The following ATP11B variants were observed in gnomAD, a reference collection of about 807,000 sequenced individuals.
ATP11B encodes the protein ATPase phospholipid transporting 11B (putative), also known as phospholipid-transporting ATPase IF.
ATP11B carries 81 observed loss-of-function variants against 157.8 expected under a neutral mutation model. That is an observed-to-expected ratio of 0.51 (90% confidence interval 0.43 to 0.62). The LOEUF is 0.62. Among genes scored for constraint, ATP11B ranks in the 20% least tolerant of loss-of-function variants. The pLI is 0.00. For synonymous variants in ATP11B, 451 were observed against 469.4 expected (o/e 0.96, Z 0.51); for missense variants, 1,165 against 1,402.2 (o/e 0.83, Z 2.70).
intron 28 of ATP11B, among the ~76,000 whole-genome samples, chr3:182,910,075 A>G (rs1041848649): frequency 0.12 from 11,250 of 93,372 alleles, 459 homozygotes; most frequent in African/African-American, 0.14. Flanking sequence ...GGCCTCCAGA[A>G]AAAAAAAAAA....
intron 24 of ATP11B, 74 bp from the exon 25 acceptor site, chr3:182,889,331 TTATCA>T (rs879117061): frequency 2.0e-6 from 2 of 1,009,612 alleles, no homozygotes; most frequent in South Asian, 1.8e-5. Context: ...TGTTTTTTAA[TTATCA>T]TATTATATTA....
At chr3:182,854,333 G>A (rs1720208813) in intron 10 of ATP11B, among the ~76,000 whole-genome samples, 2 of 152,096 alleles carry the variant, frequency 1.3e-5, no homozygotes, top group Admixed American at 6.5e-5. Context: ...AGCCGGGCAT[G>A]GTGGTGCATG....
intron 12 of ATP11B, among the ~76,000 whole-genome samples, chr3:182,862,982 C>T (rs1409333766): frequency 1.3e-5 from 2 of 151,984 alleles, no homozygotes; most frequent in Non-Finnish European, 2.9e-5. Flanking sequence ...GTGGTGCAAT[C>T]TCGGCTCACT....
chr3:182,850,081 A>G (rs967213405), intron 10 of ATP11B, among the ~76,000 whole-genome samples: 5 of 152,348 alleles, frequency 3.3e-5, no homozygotes, highest in East Asian at 1.9e-4. Flanking sequence ...AACGGAGGAC[A>G]TTGGGGAAAG....
chr3:182,896,610 AG>A (rs1723565776), intron 25 of ATP11B, 89 bp from the exon 26 acceptor site: 1 of 1,085,162 alleles, frequency 9.2e-7, no homozygotes, highest in Admixed American at 1.8e-5. Context: ...AAATAATTCA[AG>A]GGATTTTTAG....
At chr3:182,817,105 A>G (rs530013629) in intron 1 of ATP11B, among the ~76,000 whole-genome samples, 9 of 152,338 alleles carry the variant, frequency 5.9e-5, no homozygotes, top group African/African-American at 2.2e-4. Context: ...ATGTGAATTA[A>G]TAAAAAGCCT....
intron 10 of ATP11B, among the ~76,000 whole-genome samples, chr3:182,857,291 G>A (rs1431083299): frequency 3.9e-5 from 6 of 152,126 alleles, no homozygotes; most frequent in African/African-American, 1.2e-4. Context: ...GAATACAGGC[G>A]CCCGTCACCA....
chr3:182,861,199 G>A (rs1219847768), intron 12 of ATP11B, among the ~76,000 whole-genome samples: 1 of 151,490 alleles, frequency 6.6e-6, no homozygotes, highest in East Asian at 1.9e-4. Context: ...CCGAGTAGCT[G>A]GGATTACAGG....
intron 29 of ATP11B, chr3:182,915,826 C>T: frequency 1.0e-6 from 1 of 975,666 alleles, no homozygotes; most frequent in Non-Finnish European, 1.2e-6. Flanking sequence ...ATCATCTATA[C>T]TTCTTTTCAC....
In ATP11B at chr3:182,816,326, A is replaced by G. The variant is rs185503626; in HGVS notation, c.28-3934A>G. On this transcript the variant is annotated intron_variant, in intron 1 of 29. Coordinates refer to ENST00000323116, the MANE Select transcript of ATP11B (RefSeq NM_014616.3). ...CCTTTGCCCAGGACAAGATAAAATC[A>G]GAGAAGAAAGGAGCAGGCAAGCATT... is the stretch of plus-strand genomic sequence containing the variant. Among the ~76,000 whole-genome samples the G allele has an allele frequency of 3.7e-3, 557 of 152,326 alleles. 11 individuals are homozygous for G. Among genetic ancestry groups the G allele is most frequent in the Non-Finnish European group, 1.0e-3 (69 of 68,030 alleles).
intron 8 of ATP11B, among the ~76,000 whole-genome samples, chr3:182,842,877 A>T (rs1487302873): frequency 1.3e-5 from 2 of 152,234 alleles, no homozygotes; most frequent in Admixed American, 1.3e-4. Context: ...CATTACTAGA[A>T]TCCCATTCAG....
intron 2 of ATP11B, among the ~76,000 whole-genome samples, chr3:182,820,670 A>G (rs544291316): frequency 5.3e-4 from 77 of 145,562 alleles, no homozygotes; most frequent in African/African-American, 1.9e-3. Context: ...CCATGTCTCA[A>G]AAAAAAAAAT....
intron 1 of ATP11B, among the ~76,000 whole-genome samples, chr3:182,815,873 A>G (rs1317922789): frequency 6.6e-6 from 1 of 152,216 alleles, no homozygotes; most frequent in African/African-American, 2.4e-5. Flanking sequence ...AGAGGCTAAT[A>G]TACTTGGCCT....
At chr3:182,795,024 G>C (rs1307248129) in intron 1 of ATP11B, among the ~76,000 whole-genome samples, 1 of 147,166 alleles carries the variant, frequency 6.8e-6, no homozygotes, top group Non-Finnish European at 1.5e-5. Flanking sequence ...TTTGCAGCGG[G>C]CATCATTCTC....
rs77706766 is a variant in ATP11B, at chr3:182,827,221, A to G, written c.145-899A>G. On this transcript the variant is annotated intron_variant, in intron 2 of 29. Transcript: ENST00000323116. ...AAGTTATGTTGTGAGTTGTAACACA[A>G]ATAAAATTTGCAGCATATTATTCTG... Among the ~76,000 whole-genome samples, 1,419 of 152,244 alleles carry G rather than the reference A, an allele frequency of 9.3e-3. 23 individuals are homozygous for G. Among genetic ancestry groups the G allele is most frequent in the African/African-American group, 0.033 (1,351 of 41,540 alleles).
chr3:182,900,586 T>C (rs1036959174), intron 28 of ATP11B, among the ~76,000 whole-genome samples: 1 of 150,938 alleles, frequency 6.6e-6, no homozygotes, highest in African/African-American at 2.5e-5. Flanking sequence ...GCCTATCTTA[T>C]TATTCCTAAT....
intron 24 of ATP11B, among the ~76,000 whole-genome samples, chr3:182,887,993 G>A (rs551523919): frequency 4.6e-5 from 7 of 151,780 alleles, no homozygotes; most frequent in African/African-American, 7.3e-5. Context: ...ATTCTATTTC[G>A]TGTGCACAAA....
At chr3:182,880,201 A>G (rs186767599) in intron 20 of ATP11B, among the ~76,000 whole-genome samples, 1 of 152,320 alleles carries the variant, frequency 6.6e-6, no homozygotes, top group Admixed American at 6.5e-5. Context: ...GGAATTTGAG[A>G]TCTTAGACTG....
intron 24 of ATP11B, among the ~76,000 whole-genome samples, chr3:182,889,120 C>G (rs1191887413): frequency 6.6e-6 from 1 of 152,134 alleles, no homozygotes; most frequent in Non-Finnish European, 1.5e-5. Flanking sequence ...CTTGGCCTCC[C>G]AAAGTGCTGG....
Sources: allele counts gnomAD v4.1 joint callset (sites outside exome capture counted in the v4.1 genomes callset), GRCh38; gene constraint gnomAD v4.1.1; transcripts MANE v1.5; gene names NCBI Gene and HGNC (gene_info 2026-07-23, HGNC 2026-07-21).